Variants in ARHGAP15 observed in about 807,000 individuals in gnomAD.
The protein encoded by ARHGAP15 is rho GTPase-activating protein 15.
Under a neutral mutation model 63.7 loss-of-function variants are expected in ARHGAP15, and 51 were observed. That is an observed-to-expected ratio of 0.80 (90% CI 0.64 to 1.01). The LOEUF (loss-of-function observed/expected upper bound fraction) is 1.01. ARHGAP15 is among the 50% of genes least tolerant of loss of function. The pLI is 0.00. For missense variants in ARHGAP15, 560 were observed against 564.6 expected (o/e 0.99, Z 0.08); for synonymous variants, 191 against 193.8 (o/e 0.99, Z 0.12).
chr2:143,197,999 C>T (rs952102102), intron 2 of ARHGAP15, among the ~76,000 whole-genome samples: 3 of 148,134 alleles, frequency 2.0e-5, no homozygotes, highest in African/African-American at 4.9e-5. Context: ...CACACATACA[C>T]TTATATTGCT....
chr2:143,472,300 G>C (rs553451474), intron 8 of ARHGAP15, among the ~76,000 whole-genome samples: 13 of 152,128 alleles, frequency 8.5e-5, no homozygotes, highest in Non-Finnish European at 1.3e-4. Context: ...ATTATTAGGA[G>C]AAGTGGTAGT....
intron 11 of ARHGAP15, among the ~76,000 whole-genome samples, chr2:143,596,921 A>G (rs1266541850): frequency 2.0e-5 from 3 of 152,280 alleles, no homozygotes; most frequent in African/African-American, 7.2e-5. Flanking sequence ...TATTCTAACT[A>G]TAAATCCCTC....
chr2:143,337,936 G>A (rs1323808186), intron 6 of ARHGAP15, among the ~76,000 whole-genome samples: 1 of 152,092 alleles, frequency 6.6e-6, no homozygotes. Flanking sequence ...AGTACTGTTA[G>A]ACATCTTAAA....
intron 5 of ARHGAP15, among the ~76,000 whole-genome samples, chr2:143,240,006 A>AAAAAAAG (rs1693802515): frequency 1.4e-5 from 2 of 147,560 alleles, no homozygotes; most frequent in African/African-American, 2.5e-5. Flanking sequence ...AAAAAAAAAA[A>AAAAAAAG]AAAAAAAAAA....
intron 11 of ARHGAP15, among the ~76,000 whole-genome samples, chr2:143,617,446 T>C (rs1361497455): frequency 1.3e-5 from 2 of 152,302 alleles, no homozygotes; most frequent in East Asian, 3.9e-4. Context: ...TGATTTCTCC[T>C]AAGGCTCCCT....
chr2:143,716,153 G>A (rs1684802887), intron 13 of ARHGAP15, among the ~76,000 whole-genome samples: 1 of 152,124 alleles, frequency 6.6e-6, no homozygotes, highest in Admixed American at 6.5e-5. Context: ...GGCACATCCT[G>A]CATAGTTACT....
chr2:143,429,447 T>C (rs541647028), intron 6 of ARHGAP15, among the ~76,000 whole-genome samples: 1 of 152,230 alleles, frequency 6.6e-6, no homozygotes, highest in Admixed American at 6.6e-5. Context: ...AGGTTGGCCT[T>C]AAACCTTAGA....
At chr2:143,240,667 A>G (rs934194310) in intron 5 of ARHGAP15, among the ~76,000 whole-genome samples, 6 of 152,228 alleles carry the variant, frequency 3.9e-5, no homozygotes, top group African/African-American at 1.2e-4. Flanking sequence ...TTGCACCATC[A>G]TATGGCCTCA....
At chr2:143,410,350 A>T (rs1688390206) in intron 6 of ARHGAP15, among the ~76,000 whole-genome samples, 1 of 152,138 alleles carries the variant, frequency 6.6e-6, no homozygotes, top group Non-Finnish European at 1.5e-5. Context: ...TTTGAGATGA[A>T]TGTAAAAAAT....
chr2:143,754,981 C>A (rs113611630), intron 13 of ARHGAP15, among the ~76,000 whole-genome samples: 11 of 152,286 alleles, frequency 7.2e-5, no homozygotes, highest in African/African-American at 2.6e-4. Context: ...GTGTTGCTGA[C>A]TGAACATTGG....
At chr2:143,473,144 AAT>A (rs1461741984) in intron 8 of ARHGAP15, among the ~76,000 whole-genome samples, 1 of 152,164 alleles carries the variant, frequency 6.6e-6, no homozygotes, top group African/African-American at 2.4e-5. Context: ...TGAGAAAAGA[AAT>A]ATTTTTGCCA....
chr2:143,689,399 C>A (rs1261637079), intron 12 of ARHGAP15, among the ~76,000 whole-genome samples: 1 of 152,118 alleles, frequency 6.6e-6, no homozygotes, highest in Admixed American at 6.6e-5. Context: ...AATTGTCTAG[C>A]AGTTACTGTA....
intron 13 of ARHGAP15, among the ~76,000 whole-genome samples, chr2:143,765,119 G>A (rs970159140): frequency 3.1e-4 from 35 of 113,054 alleles, no homozygotes; most frequent in African/African-American, 8.7e-4. Context: ...ATGTGTGTGT[G>A]TGTGTGTGTG....
chr2:143,714,099 C>T (rs552720902), intron 13 of ARHGAP15, among the ~76,000 whole-genome samples: 27 of 152,238 alleles, frequency 1.8e-4, no homozygotes, highest in Admixed American at 4.6e-4. Flanking sequence ...AGAAGTTCTC[C>T]ATGAGGACCC....
Position 143,208,596 on chromosome 2 carries a change from C to T in ARHGAP15, c.234+6394C>T, listed in dbSNP as rs1259119266. ...ATCCATAGGGTTTCGGTAGAAGAGA[C>T]GGAAATCATTTCCTGAGAATCGGTG... On this transcript the variant is annotated intron_variant, in intron 3 of 13. Coordinates refer to ENST00000295095, the MANE Select transcript of ARHGAP15 (RefSeq NM_018460.4). 3.9e-5 allele frequency among the ~76,000 whole-genome samples: 6 copies of T among 152,044 alleles called. No homozygotes were observed. In the South Asian group the frequency reaches 1.0e-3, roughly 26 times the overall value.
At chr2:143,710,372 G>A (rs992812554) in intron 13 of ARHGAP15, among the ~76,000 whole-genome samples, 5 of 152,110 alleles carry the variant, frequency 3.3e-5, no homozygotes, top group Admixed American at 3.3e-4. Flanking sequence ...GATCGCGAGG[G>A]TGAAGCAATA....
At chr2:143,651,619 T>C (rs983322269) in intron 12 of ARHGAP15, among the ~76,000 whole-genome samples, 1 of 152,030 alleles carries the variant, frequency 6.6e-6, no homozygotes, top group Non-Finnish European at 1.5e-5. Context: ...ATATGGTAGA[T>C]GTATATTTAA....
At chr2:143,233,297 C>CTA (rs1693519683) in intron 5 of ARHGAP15, among the ~76,000 whole-genome samples, 1 of 151,894 alleles carries the variant, frequency 6.6e-6, no homozygotes, top group Non-Finnish European at 1.5e-5. Context: ...CAGGGACAAT[C>CTA]TATCTCATAG....
At chr2:143,644,697 G>A (rs534364887) in intron 12 of ARHGAP15, among the ~76,000 whole-genome samples, 2 of 152,104 alleles carry the variant, frequency 1.3e-5, no homozygotes, top group South Asian at 2.1e-4. Context: ...ACGCAAGTTC[G>A]GCCAGATCAA....
Sources: gnomAD v4.1 joint callset for allele counts (sites outside exome capture counted in the v4.1 genomes callset) on GRCh38, gnomAD v4.1.1 for gene constraint, MANE v1.5 for transcripts, NCBI Gene and HGNC (gene_info 2026-07-23, HGNC 2026-07-21) for gene names.